The following MTMR9 variants were observed in gnomAD, a reference collection of about 807,000 sequenced individuals.
The protein encoded by MTMR9 is myotubularin-related protein 9.
In MTMR9, 39 loss-of-function variants were observed where a neutral mutation model predicts 69.5. The ratio of observed to expected loss-of-function variants is 0.56; its 90% confidence interval spans 0.43 to 0.73. The LOEUF is 0.73. MTMR9 is among the 30% of genes least tolerant of loss of function. The pLI, the probability that MTMR9 is intolerant of heterozygous loss-of-function variation, is 0.00. For synonymous variants in MTMR9, 354 were observed against 240.8 expected, an observed-to-expected ratio of 1.47 and a Z score of -4.35; for missense variants, 900 against 671.2, an observed-to-expected ratio of 1.34 and a Z score of -3.77.
At chr8:11,286,710 T>C (rs1192278429) in intron 1 of MTMR9, among the ~76,000 whole-genome samples, 2 of 150,578 alleles carry the variant, frequency 1.3e-5, no homozygotes, top group Non-Finnish European at 3.0e-5. Flanking sequence ...TGGTCTCTCA[T>C]TGAAAATCTA....
At chr8:11,304,432 A>G (rs1348735531) in intron 3 of MTMR9, among the ~76,000 whole-genome samples, 1 of 152,216 alleles carries the variant, frequency 6.6e-6, no homozygotes, top group African/African-American at 2.4e-5. Context: ...TGGCCGTGAT[A>G]ATTGTGGATG....
At chr8:11,317,015 G>T in intron 8 of MTMR9, 122 bp downstream of exon 8, 1 of 562,820 alleles carries the variant, frequency 1.8e-6, no homozygotes, top group South Asian at 3.1e-5. Flanking sequence ...TAAAAAGGTA[G>T]AGGCTACAGT....
At chr8:11,294,977 A>T (rs1302256971) in intron 1 of MTMR9, 1 of 315,244 alleles carries the variant, frequency 3.2e-6, no homozygotes, top group African/African-American at 2.2e-5. Context: ...CTTAATGTGA[A>T]TTACTTTATA....
Position 11,319,820 on chromosome 8 carries a change from A to G in MTMR9, c.1468A>G (p.Ser490Gly). The G allele has an allele frequency of 6.2e-7, 1 of 1,614,142 alleles. No individual in the cohort carries two copies. The highest frequency in any genetic ancestry group is 8.5e-7 in the Non-Finnish European group (1 of 1,180,010). ...LVIWPSVAPQ[S>G]LPLWEGIFLR... ...CATCTGGCCTTCAGTTGCTCCGCAGAGTCTTCCACTGTGGGAAGGTAAACC... is the reference window on the plus strand; with the variant it reads ...CATCTGGCCTTCAGTTGCTCCGCAGGGTCTTCCACTGTGGGAAGGTAAACC... The change falls in exon 9 of 10, where the codon AGT (serine) becomes GGT (glycine). Residue 490 changes from serine (S) to glycine (G), a missense_variant. Ser to Gly is a moderately conservative substitution (Grantham distance 56). Transcript: ENST00000221086.
downstream of MTMR9, among the ~76,000 whole-genome samples, chr8:11,330,081 A>G (rs943170081): frequency 1.8e-4 from 27 of 151,218 alleles, no homozygotes; most frequent in Non-Finnish European, 3.8e-4. Flanking sequence ...TCCGCCTGGC[A>G]GCCGCCCCAT....
rs1800109009 is a variant in MTMR9 at position 11,309,585 on chromosome 8, C to T, written c.868C>T (p.His290Tyr). 2.5e-6 allele frequency: 4 copies of T among 1,613,894 alleles called. No individual in the cohort carries two copies. Among genetic ancestry groups the T allele is most frequent in the Non-Finnish European group, 3.4e-6 (4 of 1,179,844 alleles). Reference sequence around the variant, plus strand: ...TGTGGAAGCTTGTAATGACCAAACACATAACATGGACCGATGGCTCAGTAA... The same window carrying T: ...TGTGGAAGCTTGTAATGACCAAACATATAACATGGACCGATGGCTCAGTAA... ...KLVEACNDQT[H>Y]NMDRWLSKLE... The change falls in exon 6 of 10, where the codon CAT (histidine) becomes TAT (tyrosine). Residue 290 changes from histidine (H) to tyrosine (Y), a missense_variant. His to Tyr is a moderately conservative substitution (Grantham distance 83). Coordinates refer to ENST00000221086, the MANE Select transcript of MTMR9 (RefSeq NM_015458.4).
chr8:11,322,571 T>C, intron 9 of MTMR9, 54 bp from the exon 10 acceptor site: 1 of 1,454,798 alleles, frequency 6.9e-7, no homozygotes, highest in South Asian at 1.2e-5. Context: ...AATGTAATTT[T>C]AATCCATTGT....
chr8:11,319,898 A>T, intron 9 of MTMR9, 60 bp downstream of exon 9: 1 of 1,571,130 alleles, frequency 6.4e-7, no homozygotes, highest in Non-Finnish European at 8.7e-7. Flanking sequence ...GCTGCCTGTG[A>T]GTGTGTGCTG....
At position 11,327,808 on chromosome 8, in the gene MTMR9, C is replaced by G. The variant is rs576246988; in HGVS notation, c.*5020C>G. Reference sequence around the variant, plus strand: ...AGGTACAGGTTTCCATATTGTGAACCTGTGTACGCACACACACATATACAT... The same window carrying G: ...AGGTACAGGTTTCCATATTGTGAACGTGTGTACGCACACACACATATACAT... On this transcript the variant is annotated 3_prime_UTR_variant, in exon 10 of 10. Coordinates refer to ENST00000221086, the MANE Select transcript of MTMR9 (RefSeq NM_015458.4). 1 of 152,544 alleles carries G rather than the reference C, an allele frequency of 6.6e-6. No individual in the cohort carries two copies. Among genetic ancestry groups the G allele is most frequent in the East Asian group, 1.9e-4 (1 of 5,180 alleles). 9.4% of individuals were successfully genotyped at this position (152,544 alleles called of 1,614,324 possible). A position where few individuals can be genotyped will look rare whatever the true frequency, so the allele number is the denominator to read the frequency against.
At chr8:11,306,971 G>A (rs1799962684) in intron 5 of MTMR9, among the ~76,000 whole-genome samples, 2 of 152,174 alleles carry the variant, frequency 1.3e-5, no homozygotes, top group South Asian at 4.1e-4. Flanking sequence ...TTCATGCAGT[G>A]TTTATCTTTC....
At chr8:11,328,532 A>G (rs1168330532), downstream of MTMR9, among the ~76,000 whole-genome samples, 1 of 152,198 alleles carries the variant, frequency 6.6e-6, no homozygotes, top group East Asian at 1.9e-4. Flanking sequence ...CATTGAGGGT[A>G]AAAGGAAAGC....
At chr8:11,320,141 G>T in intron 9 of MTMR9, 1 of 242,244 alleles carries the variant, frequency 4.1e-6, no homozygotes, top group Non-Finnish European at 7.9e-6. Context: ...TAAGTAGTTG[G>T]GACATGAATA....
At chr8:11,321,623 A>G (rs1406558969) in intron 9 of MTMR9, 8 of 395,924 alleles carry the variant, frequency 2.0e-5, no homozygotes, top group African/African-American at 6.2e-5. Flanking sequence ...GAAGCTCTCT[A>G]TTAGGTAAAA....
At chr8:11,298,802 C>G (rs1451714529) in intron 2 of MTMR9, 4 of 977,794 alleles carry the variant, frequency 4.1e-6, no homozygotes, top group African/African-American at 3.7e-5. Context: ...GTGATAGAGA[C>G]TTTCCTTCTC....
intron 1 of MTMR9, among the ~76,000 whole-genome samples, chr8:11,290,210 A>C (rs1347739309): frequency 6.6e-6 from 1 of 151,996 alleles, no homozygotes; most frequent in African/African-American, 2.4e-5. Flanking sequence ...ATTAGTGTTT[A>C]ATTATCTTTG....
At chr8:11,317,374 G>A (rs1412103842) in intron 8 of MTMR9, 2 of 152,368 alleles carry the variant, frequency 1.3e-5, no homozygotes, top group African/African-American at 2.4e-5. Flanking sequence ...TTGGGTGGCA[G>A]CGGGATTGGT....
At chr8:11,289,613 C>A (rs1276394604) in intron 1 of MTMR9, among the ~76,000 whole-genome samples, 1 of 152,028 alleles carries the variant, frequency 6.6e-6, no homozygotes, top group Non-Finnish European at 1.5e-5. Flanking sequence ...TTTTCACTCC[C>A]GTTTCCTGCC....
chr8:11,315,830 T>C (rs1800392293), intron 7 of MTMR9: 1 of 152,262 alleles, frequency 6.6e-6, no homozygotes, highest in Non-Finnish European at 1.5e-5. Context: ...TCATGATGCA[T>C]AGTAGACAAA....
chr8:11,300,223 T>G, intron 3 of MTMR9, 75 bp downstream of exon 3: 1 of 1,525,458 alleles, frequency 6.6e-7, no homozygotes, highest in Non-Finnish European at 9.0e-7. Flanking sequence ...AATGATCACT[T>G]CTTTTGAAGA....
Sources: gnomAD v4.1 joint callset for allele counts (sites outside exome capture counted in the v4.1 genomes callset) on GRCh38, gnomAD v4.1.1 for gene constraint, MANE v1.5 for transcripts, NCBI Gene and HGNC (gene_info 2026-07-23, HGNC 2026-07-21) for gene names.